ADAM18: variants seen among roughly 807,000 people sequenced by gnomAD.
The protein encoded by ADAM18 is disintegrin and metalloproteinase domain-containing protein 18.
A neutral mutation model predicts 94.4 loss-of-function variants in ADAM18; 117 were observed. That is an observed-to-expected ratio of 1.24 (90% CI 1.07 to 1.45). ADAM18 has a LOEUF of 1.45. Among genes scored for constraint, ADAM18 ranks in the 40% most tolerant of loss-of-function variants. The pLI is 0.00. For synonymous variants in ADAM18, 327 were observed against 291.6 expected (o/e 1.12, Z -1.24); for missense variants, 936 against 880.0 (o/e 1.06, Z -0.81).
chr8:39,650,312 T>A (rs1470121144), intron 12 of ADAM18, among the ~76,000 whole-genome samples: 2 of 152,182 alleles, frequency 1.3e-5, no homozygotes, highest in Non-Finnish European at 2.9e-5. Context: ...AAATTTCTTA[T>A]GCAATACTAA....
At chr8:39,717,742 A>G (rs1822619525) in intron 18 of ADAM18, among the ~76,000 whole-genome samples, 1 of 151,716 alleles carries the variant, frequency 6.6e-6, no homozygotes, top group African/African-American at 2.4e-5. Flanking sequence ...AAAGCTCTAT[A>G]CAGCAAATGA....
At chr8:39,605,226 G>A (rs1265715713) in intron 2 of ADAM18, among the ~76,000 whole-genome samples, 1 of 152,130 alleles carries the variant, frequency 6.6e-6, no homozygotes, top group Non-Finnish European at 1.5e-5. Context: ...GTTTGCCTTG[G>A]AAGAGAAATG....
At chr8:39,692,755 AG>A in intron 17 of ADAM18, 75 bp downstream of exon 17, 1 of 1,242,512 alleles carries the variant, frequency 8.0e-7, no homozygotes. Context: ...ATGAGGATTG[AG>A]AGTCTAGGTT....
intron 17 of ADAM18, among the ~76,000 whole-genome samples, chr8:39,701,620 C>T (rs78070739): frequency 0.015 from 2,298 of 152,212 alleles, 27 homozygotes; most frequent in Non-Finnish European, 0.023. Context: ...AGTTATTTCT[C>T]CTGACCCACT....
intron 12 of ADAM18, among the ~76,000 whole-genome samples, chr8:39,652,576 C>G (rs1327204869): frequency 6.6e-6 from 1 of 151,988 alleles, no homozygotes; most frequent in South Asian, 2.1e-4. Flanking sequence ...GTAAAGGAAA[C>G]CTTTGCACAC....
intron 14 of ADAM18, among the ~76,000 whole-genome samples, chr8:39,669,131 T>A (rs1177453877): frequency 2.0e-5 from 3 of 151,908 alleles, no homozygotes; most frequent in Admixed American, 2.0e-4. Context: ...GTTTAAAATA[T>A]CTCTTAAAGG....
intron 18 of ADAM18, among the ~76,000 whole-genome samples, chr8:39,719,265 GA>G (rs1822676182): frequency 6.6e-6 from 1 of 151,270 alleles, no homozygotes; most frequent in African/African-American, 2.4e-5. Context: ...AATTGTGCTA[GA>G]ATAATTATAT....
intron 18 of ADAM18, among the ~76,000 whole-genome samples, chr8:39,715,989 G>A (rs1353538251): frequency 6.6e-6 from 1 of 151,982 alleles, no homozygotes; most frequent in African/African-American, 2.4e-5. Context: ...ACTTCACGAG[G>A]ACGGGAAACT....
At chr8:39,708,804 A>C (rs754500657) in intron 18 of ADAM18, among the ~76,000 whole-genome samples, 1 of 152,200 alleles carries the variant, frequency 6.6e-6, no homozygotes, top group Non-Finnish European at 1.5e-5. Flanking sequence ...CCCTTGAAGG[A>C]GGGAGAACAC....
At chr8:39,725,150 TTATTC>T (rs1432271938) in intron 19 of ADAM18, among the ~76,000 whole-genome samples, 2 of 152,016 alleles carry the variant, frequency 1.3e-5, no homozygotes, top group African/African-American at 4.8e-5. Flanking sequence ...TTTTGTCTAG[TTATTC>T]TATCAGTTTT....
At chr8:39,647,507 T>A (rs1057092273) in intron 11 of ADAM18, among the ~76,000 whole-genome samples, 9 of 152,100 alleles carry the variant, frequency 5.9e-5, no homozygotes, top group African/African-American at 2.2e-4. Context: ...ACAGTGGCCT[T>A]CCTCTATCTC....
At chr8:39,728,497 A>T (rs1287391612) in intron 19 of ADAM18, among the ~76,000 whole-genome samples, 2 of 152,172 alleles carry the variant, frequency 1.3e-5, no homozygotes, top group African/African-American at 4.8e-5. Flanking sequence ...AACACAATAA[A>T]TCCTGAGGTA....
At chr8:39,722,284 C>T (rs951654016) in intron 18 of ADAM18, among the ~76,000 whole-genome samples, 2 of 131,478 alleles carry the variant, frequency 1.5e-5, no homozygotes, top group African/African-American at 5.8e-5. Flanking sequence ...TTTATCCAGT[C>T]GTCCATTGAT....
At chr8:39,641,114 C>T (rs1820224948) in intron 10 of ADAM18, among the ~76,000 whole-genome samples, 1 of 151,892 alleles carries the variant, frequency 6.6e-6, no homozygotes, top group East Asian at 1.9e-4. Context: ...TACTGCATAG[C>T]TTGTCTTCCA....
Position 39,593,531 on chromosome 8 carries a change from T to TA in ADAM18, c.132+8189dup, listed in dbSNP as rs1010099860. ...TATTCAAAACAGTATGGTTTTGTCA[T>TA]AAAAAAAAAATCAGACATGTAGACC... On this transcript the variant is annotated intron_variant, in intron 2 of 19. Transcript: ENST00000265707. 5.8e-4 allele frequency among the ~76,000 whole-genome samples: 86 copies of TA among 148,418 alleles called. No individual in the cohort carries two copies. The East Asian group carries it at 9.0e-3, about 16-fold the overall frequency.
chr8:39,718,196 C>G (rs149204071), intron 18 of ADAM18, among the ~76,000 whole-genome samples: 174 of 151,546 alleles, frequency 1.1e-3, no homozygotes, highest in African/African-American at 4.1e-3. Context: ...GTCATATGAT[C>G]CAGCCATCCC....
chr8:39,616,486 C>A (rs1585901998), intron 6 of ADAM18, among the ~76,000 whole-genome samples: 1 of 152,126 alleles, frequency 6.6e-6, no homozygotes, highest in Non-Finnish European at 1.5e-5. Flanking sequence ...TATCAAACAA[C>A]CAACAACGTT....
In ADAM18 at chr8:39,648,312, T is replaced by C. The variant is rs145386216; in HGVS notation, c.1047-32T>C. 832 of 1,532,512 alleles carry C rather than the reference T, an allele frequency of 5.4e-4. 7 individuals carry two copies. In the African/African-American group the frequency reaches 9.2e-3, roughly 17 times the overall value. The allele number at this position is 1,532,512 out of a possible 1,614,324, so 94.9% of individuals were successfully genotyped here. A position where few individuals can be genotyped will look rare whatever the true frequency, so the allele number is the denominator to read the frequency against. On this transcript the variant is annotated intron_variant, in intron 11 of 19. Transcript: ENST00000265707. The stretch of plus-strand genomic sequence containing the variant: ...TTAGATGTGGTTTTATTAGCCAGGC[T>C]TATTTGCCTGAGGAATATTATTTTA...
chr8:39,610,791 C>A, intron 6 of ADAM18, 85 bp downstream of exon 6: 1 of 1,464,470 alleles, frequency 6.8e-7, no homozygotes, highest in South Asian at 1.6e-5. Flanking sequence ...ATTTAGTTAG[C>A]TGTTGAGTAG....
Sources: allele counts gnomAD v4.1 joint callset (sites outside exome capture counted in the v4.1 genomes callset), GRCh38; gene constraint gnomAD v4.1.1; transcripts MANE v1.5; gene names NCBI Gene and HGNC (gene_info 2026-07-23, HGNC 2026-07-21).